VAC14: variants seen among roughly 807,000 people sequenced by gnomAD.
The protein encoded by VAC14 is protein VAC14 homolog.
A neutral mutation model predicts 85.3 loss-of-function variants in VAC14; 47 were observed. That is an observed-to-expected ratio of 0.55 (90% CI 0.44 to 0.70). The LOEUF is 0.70. VAC14 is among the 30% of genes least tolerant of loss of function. The pLI is 0.00. For missense variants in VAC14, 861 were observed against 1,004.3 expected (o/e 0.86, Z 1.93); for synonymous variants, 447 against 430.5 (o/e 1.04, Z -0.47).
intron 1 of VAC14, 87 bp downstream of exon 1, chr16:70,800,710 C>G: frequency 8.2e-7 from 1 of 1,217,352 alleles, no homozygotes; most frequent in African/African-American, 1.6e-5. Flanking sequence ...GGGAAAGTAA[C>G]CCTGGCTGGG....
intron 6 of VAC14, 115 bp downstream of exon 6, chr16:70,783,330 A>G (rs941221863): frequency 2.6e-6 from 3 of 1,135,748 alleles, no homozygotes; most frequent in Admixed American, 3.8e-5. Context: ...CACAAGAGCC[A>G]GGAAGAAGAG....
In VAC14 at chr16:70,761,018, T is replaced by C. The variant is rs749656163; in HGVS notation, c.1371+1522A>G. 9.3e-3 allele frequency: 2,484 copies of C among 267,818 alleles called. 192 individuals carry two copies. The highest frequency in any genetic ancestry group is 0.083 in the African/African-American group (1,939 of 23,496). The allele number at this position is 267,818 out of a possible 1,614,324, so 16.6% of individuals were successfully genotyped here. On this transcript the variant is annotated intron_variant, in intron 12 of 18. Coordinates refer to ENST00000261776, the MANE Select transcript of VAC14 (RefSeq NM_018052.5). ...GTGTGTGTGTGTGTGTGTGTGTGTG[T>C]GCATGGGGGGGCGGGGGGTAGGCAG...
chr16:70,727,690 A>G (rs1348528633), intron 14 of VAC14, among the ~76,000 whole-genome samples: 2 of 152,246 alleles, frequency 1.3e-5, no homozygotes, highest in African/African-American at 4.8e-5. Flanking sequence ...GCAATGGAGA[A>G]GCAGGAGGGC....
At chr16:70,698,542 G>C in intron 15 of VAC14, 95 bp downstream of exon 15, 1 of 1,480,600 alleles carries the variant, frequency 6.8e-7, no homozygotes, top group Non-Finnish European at 9.2e-7. Context: ...TTCTCCCTGA[G>C]AGCCTCCTGG....
chr16:70,692,330 A>G (rs1181221339), intron 18 of VAC14, among the ~76,000 whole-genome samples: 1 of 151,724 alleles, frequency 6.6e-6, no homozygotes, highest in African/African-American at 2.4e-5. Flanking sequence ...AGAAGGTCCT[A>G]GCAATGATGG....
chr16:70,728,788 T>A (rs911837534), intron 14 of VAC14, among the ~76,000 whole-genome samples: 1 of 152,254 alleles, frequency 6.6e-6, no homozygotes, highest in African/African-American at 2.4e-5. Context: ...CAAAGGCCTC[T>A]CCTTCCACTG....
At chr16:70,761,022 T>TG (rs112696363) in intron 12 of VAC14, 5 of 190,214 alleles carry the variant, frequency 2.6e-5, no homozygotes, top group South Asian at 1.5e-4. Flanking sequence ...TGTGTGTGCA[T>TG]GGGGGGGCGG....
rs753282306 is a variant in VAC14, at chr16:70,731,590, G to A, written c.1566C>T (p.Thr522=). 61 of 1,614,010 alleles carry A rather than the reference G, an allele frequency of 3.8e-5. No homozygotes were observed. Among genetic ancestry groups the A allele is most frequent in the Non-Finnish European group, 5.0e-5 (59 of 1,180,042 alleles). The change falls in exon 14 of 19, where the codon ACC becomes ACT. Residue 522 remains threonine (T), a synonymous_variant. Coordinates refer to ENST00000261776, the MANE Select transcript of VAC14 (RefSeq NM_018052.5). ...TGAACTTATAAAAGTAAGAATTCAT[G>A]GTGGGAGTTGAAGGAGAACATTCTA... ...KGLECSPSTP[T]MNSYFYKFMI... is the part of the protein sequence containing the mutation.
At chr16:70,768,657 T>G in intron 10 of VAC14, 1 of 340,248 alleles carries the variant, frequency 2.9e-6, no homozygotes, top group East Asian at 1.1e-4. Flanking sequence ...GGAAGACAGC[T>G]TCTGCTCTCA....
At chr16:70,790,941 A>G (rs2034307320) in intron 1 of VAC14, among the ~76,000 whole-genome samples, 1 of 152,202 alleles carries the variant, frequency 6.6e-6, no homozygotes, top group African/African-American at 2.4e-5. Flanking sequence ...GTCCTTACCA[A>G]TATGTCAGTC....
At chr16:70,786,739 G>T (rs781513707) in intron 1 of VAC14, among the ~76,000 whole-genome samples, 11 of 152,198 alleles carry the variant, frequency 7.2e-5, no homozygotes, top group Non-Finnish European at 1.6e-4. Flanking sequence ...GCGTCTGAGC[G>T]ACTATTTCCA....
At chr16:70,789,535 G>A (rs865783323) in intron 1 of VAC14, among the ~76,000 whole-genome samples, 2 of 152,190 alleles carry the variant, frequency 1.3e-5, no homozygotes, top group Non-Finnish European at 2.9e-5. Flanking sequence ...TAGAATTCTC[G>A]CCTGCCACGC....
At chr16:70,744,271 G>A (rs2030648511) in intron 13 of VAC14, 152 bp downstream of exon 13, 9 of 1,141,134 alleles carry the variant, frequency 7.9e-6, no homozygotes, top group Non-Finnish European at 1.1e-5. Context: ...GTCTTGAGGT[G>A]GGAGATCGCC....
intron 12 of VAC14, among the ~76,000 whole-genome samples, chr16:70,751,148 C>T (rs981731325): frequency 7.9e-5 from 12 of 152,220 alleles, no homozygotes; most frequent in Non-Finnish European, 1.3e-4. Context: ...CTTGGTCAAA[C>T]GTTCACACAG....
At chr16:70,689,600 C>T (rs2053561442) in intron 18 of VAC14, 2 of 985,668 alleles carry the variant, frequency 2.0e-6, no homozygotes, top group South Asian at 9.4e-5. Context: ...CTGTTCCCTT[C>T]CCGCCTCCCT....
chr16:70,795,708 G>A (rs1159708765), intron 1 of VAC14, among the ~76,000 whole-genome samples: 1 of 152,194 alleles, frequency 6.6e-6, no homozygotes, highest in Non-Finnish European at 1.5e-5. Flanking sequence ...CCTCCCTGGG[G>A]CTTTGGGCTC....
intron 14 of VAC14, among the ~76,000 whole-genome samples, chr16:70,728,892 T>G (rs1423975168): frequency 6.6e-6 from 1 of 152,242 alleles, no homozygotes; most frequent in African/African-American, 2.4e-5. Context: ...GTCACTCTTG[T>G]GGGAACATTC....
At chr16:70,761,349 C>G in intron 12 of VAC14, 1 of 257,618 alleles carries the variant, frequency 3.9e-6, no homozygotes, top group East Asian at 1.4e-4. Flanking sequence ...CTGGCTGCCT[C>G]ATGGAGATAC....
chr16:70,799,617 G>A (rs1202402728), intron 1 of VAC14, among the ~76,000 whole-genome samples: 1 of 152,190 alleles, frequency 6.6e-6, no homozygotes, highest in African/African-American at 2.4e-5. Flanking sequence ...GCATCCAGTG[G>A]GAAGAGGTCA....
Sources: gnomAD v4.1 joint callset for allele counts (sites outside exome capture counted in the v4.1 genomes callset) on GRCh38, gnomAD v4.1.1 for gene constraint, MANE v1.5 for transcripts, NCBI Gene and HGNC (gene_info 2026-07-23, HGNC 2026-07-21) for gene names.